The following NRDE2 variants were observed in gnomAD, a reference collection of about 807,000 sequenced individuals.
NRDE2 encodes the protein nuclear exosome regulator NRDE2.
In NRDE2, 76 loss-of-function variants were observed where a neutral mutation model predicts 124.2. The ratio of observed to expected loss-of-function variants is 0.61; its 90% CI spans 0.51 to 0.74. The LOEUF is 0.74. Among genes scored for constraint, NRDE2 ranks in the 30% least tolerant of loss-of-function variants. The probability of loss-of-function intolerance (pLI) is 0.00; values close to 1 mark genes in which losing one functional copy is unlikely to be tolerated. For synonymous variants in NRDE2, 489 were observed against 528.1 expected (o/e 0.93, Z 1.01); for missense variants, 1,314 against 1,417.3 (o/e 0.93, Z 1.17).
rs78302825 is a variant in NRDE2 at position 90,278,383 on chromosome 14, G to A, written c.3448C>T (p.Arg1150Trp). Residue 1150 changes from arginine to tryptophan, a missense_variant, in exon 14 of 14, where the codon CGG becomes TGG. Transcript: ENST00000354366. The stretch of plus-strand genomic sequence containing the variant: ...AGCTCCTCCAGCGGCAGGCGCACCC[G>A]GAGCTCCTTCTCAGTCATCAGGTCC... ...ILDLMTEKEL[R>W]VRLPLEELEL... 1.4e-5 allele frequency: 23 copies of A among 1,614,036 alleles called. No individual in the cohort carries two copies. The highest frequency in any genetic ancestry group is 8.0e-5 in the African/African-American group (6 of 75,036).
At chr14:90,318,201 C>T in intron 1 of NRDE2, 88 bp from the exon 2 acceptor site, 1 of 1,025,168 alleles carries the variant, frequency 9.8e-7, no homozygotes, top group South Asian at 1.5e-5. Flanking sequence ...AGCTGACATC[C>T]TAATTCACAG....
At position 90,316,716 on chromosome 14, in the gene NRDE2, CT is replaced by C. The variant is rs1249617548; in HGVS notation, c.268del (p.Arg90GlyfsTer69). 1.3e-5 allele frequency: 21 copies of C among 1,613,662 alleles called. No individual in the cohort carries two copies. The highest frequency in any genetic ancestry group is 1.7e-5 in the Admixed American group (1 of 59,968). ...RKKKKEKKKK[R>X]KHQHHKKTKR... ...TGTTTTCTTATGATGCTGATGCTTC[CT>C]TTTTTTCTTTTTCTCTTTCTTCTTT... On this transcript the variant is annotated frameshift_variant, in exon 3 of 14. Coordinates refer to ENST00000354366, the MANE Select transcript of NRDE2 (RefSeq NM_017970.4). LOFTEE classifies it high-confidence loss of function.
intron 13 of NRDE2, chr14:90,278,691 A>G: frequency 1.8e-6 from 1 of 555,812 alleles, no homozygotes; most frequent in Non-Finnish European, 3.2e-6. Flanking sequence ...CTCTTTTAAA[A>G]GGGGTCCAGG....
chr14:90,301,004 A>C (rs1884379344), intron 7 of NRDE2, among the ~76,000 whole-genome samples: 2 of 147,190 alleles, frequency 1.4e-5, no homozygotes, highest in South Asian at 4.4e-4. Context: ...AAGGAGGGGG[A>C]AGCTTCTTTA....
At chr14:90,289,361 A>C (rs1004115568) in intron 10 of NRDE2, among the ~76,000 whole-genome samples, 8 of 152,230 alleles carry the variant, frequency 5.3e-5, no homozygotes, top group Admixed American at 5.2e-4. Flanking sequence ...GTTCCAGCTG[A>C]AATCTCTATA....
chr14:90,290,029 C>T (rs1206211302), intron 10 of NRDE2, among the ~76,000 whole-genome samples, 192 bp downstream of exon 10: 2 of 152,194 alleles, frequency 1.3e-5, no homozygotes, highest in Non-Finnish European at 2.9e-5. Context: ...TAGCCTGACT[C>T]GTTCCTGCCT....
rs1891740973 is a variant in NRDE2 at position 90,274,215 on chromosome 14, GGGCAGGGTGAGGCT to G, written c.*4107_*4120del. On this transcript the variant is annotated 3_prime_UTR_variant, in exon 14 of 14. Coordinates refer to ENST00000354366, the MANE Select transcript of NRDE2 (RefSeq NM_017970.4). ...ACACCACAGCACGGGGACTCAGCAT[GGGCAGGGTGAGGCT>G]GGCATCCGTGTGGGGTGTATGTGCA... The G allele has an allele frequency of 6.4e-6, 1 of 155,276 alleles. No homozygotes were observed. Among genetic ancestry groups the G allele is most frequent in the Non-Finnish European group, 1.5e-5 (1 of 68,674 alleles). 9.6% of individuals were successfully genotyped at this position (155,276 alleles called of 1,614,324 possible).
At chr14:90,306,957 A>G (rs570392568) in intron 4 of NRDE2, among the ~76,000 whole-genome samples, 1 of 152,306 alleles carries the variant, frequency 6.6e-6, no homozygotes, top group Non-Finnish European at 1.5e-5. Context: ...AATATACAGT[A>G]TTTTAGATAT....
chr14:90,317,929 T>C, intron 2 of NRDE2, 76 bp downstream of exon 2: 3 of 1,025,062 alleles, frequency 2.9e-6, no homozygotes, highest in Non-Finnish European at 2.9e-6. Flanking sequence ...TAGAGTTTTC[T>C]AAGGAGCTTC....
At position 90,311,383 on chromosome 14, in the gene NRDE2, C is replaced by G. The variant is rs565325738; in HGVS notation, c.557+1011G>C. ...TGAATTGTAGTTCCCATAATCCCCACGTGTTGTGGGAGGGGCTTGGTGGGA... is the reference window on the plus strand; with the variant it reads ...TGAATTGTAGTTCCCATAATCCCCAGGTGTTGTGGGAGGGGCTTGGTGGGA... On this transcript the variant is annotated intron_variant, in intron 4 of 13. Coordinates refer to ENST00000354366, the MANE Select transcript of NRDE2 (RefSeq NM_017970.4). Among the ~76,000 whole-genome samples the G allele has an allele frequency of 2.6e-5, 4 of 152,216 alleles. No individual in the cohort carries two copies. The South Asian group carries it at 8.3e-4, about 32-fold the overall frequency.
chr14:90,279,242 C>T, intron 12 of NRDE2, 109 bp from the exon 13 acceptor site: 2 of 841,952 alleles, frequency 2.4e-6, no homozygotes, highest in South Asian at 1.5e-5. Flanking sequence ...AGTGAGCCCA[C>T]CTGTGCAGAG....
intron 1 of NRDE2, among the ~76,000 whole-genome samples, chr14:90,327,672 G>A (rs1885492557): frequency 6.6e-6 from 1 of 152,082 alleles, no homozygotes; most frequent in Admixed American, 6.5e-5. Flanking sequence ...AAGTTACTGG[G>A]ACCCCCAACT....
At position 90,316,671 on chromosome 14, in the gene NRDE2, G is replaced by A. The variant is rs371333350; in HGVS notation, c.314C>T (p.Ser105Leu). 56 of 1,613,938 alleles carry A rather than the reference G, an allele frequency of 3.5e-5. No homozygotes were observed. Among genetic ancestry groups the A allele is most frequent in the Non-Finnish European group, 4.2e-5 (50 of 1,179,992 alleles). The part of the protein sequence containing the change: ...HKKTKRKHGP[S>L]SSSRSETDTD... The stretch of plus-strand genomic sequence containing the variant: ...GTCTGTCTCAGACCTGCTGCTACTC[G>A]ACGGCCCATGCTTCCTCTTTGTTTT... Residue 105 changes from serine to leucine, a missense_variant, in exon 3 of 14, where the codon TCG (serine) becomes TTG (leucine). By Grantham distance (145) the Ser-to-Leu change is moderately radical. Transcript: ENST00000354366.
intron 12 of NRDE2, among the ~76,000 whole-genome samples, chr14:90,283,927 G>T (rs938971755): frequency 6.6e-6 from 1 of 152,030 alleles, no homozygotes; most frequent in East Asian, 1.9e-4. Context: ...TAGCCAAGAT[G>T]GTCTCAATCT....
chr14:90,270,128 G>A lies in NRDE2; in HGVS notation c.*8208C>T, dbSNP rs143781313. 1.6e-5 allele frequency: 24 copies of A among 1,543,526 alleles called. No individual in the cohort carries two copies. The East Asian group carries it at 5.0e-4, about 32-fold the overall frequency. On this transcript the variant is annotated 3_prime_UTR_variant, in exon 14 of 14. Transcript: ENST00000354366. ...AACTTCGTATGTAAGGAGATGGGCT[G>A]AGGCCTCTGAGCCATGGCCGAGCCT...
At chr14:90,298,865 A>C (rs1337625038) in intron 7 of NRDE2, among the ~76,000 whole-genome samples, 1 of 152,142 alleles carries the variant, frequency 6.6e-6, no homozygotes, top group Admixed American at 6.5e-5. Context: ...GCCGCTTTCA[A>C]GATATTTTGA....
At chr14:90,293,860 C>T (rs1349477769) in intron 8 of NRDE2, among the ~76,000 whole-genome samples, 1 of 152,144 alleles carries the variant, frequency 6.6e-6, no homozygotes, top group Non-Finnish European at 1.5e-5. Flanking sequence ...ATAAAGTATA[C>T]AAAATGGTAC....
At position 90,273,793 on chromosome 14, in the gene NRDE2, GCCAGTCTGTGAAGGCCA is replaced by G. The variant is rs1335729265; in HGVS notation, c.*4526_*4542del. The G allele has an allele frequency of 6.5e-6, 1 of 154,624 alleles. No individual in the cohort carries two copies. The highest frequency in any genetic ancestry group is 6.5e-5 in the Admixed American group (1 of 15,276). The allele number at this position is 154,624 out of a possible 1,614,324, so 9.6% of individuals were successfully genotyped here. A position where few individuals can be genotyped will look rare whatever the true frequency, so the allele number is the denominator to read the frequency against. The stretch of plus-strand genomic sequence containing the variant: ...TTGCTGGCTGCCAGCTGAGGCCTTT[GCCAGTCTGTGAAGGCCA>G]CCCTCCCTCCTGACTCGTGGCACTT... On this transcript the variant is annotated 3_prime_UTR_variant, in exon 14 of 14. Transcript: ENST00000354366.
At position 90,292,751 on chromosome 14, in the gene NRDE2, G is replaced by A. The variant is rs751826712; in HGVS notation, c.1788C>T (p.Arg596=). 1.2e-6 allele frequency: 2 copies of A among 1,614,190 alleles called. No homozygotes were observed. The highest frequency in any genetic ancestry group is 1.7e-6 in the Non-Finnish European group (2 of 1,180,022). ...SRDQRHWRPW[R]PDKTKKQTEE... ...CGGTTTGCTTCTTGGTCTTATCAGGGCGCCAGGGCCGCCAGTGCCTCTGGT... is the reference window on the plus strand; with the variant it reads ...CGGTTTGCTTCTTGGTCTTATCAGGACGCCAGGGCCGCCAGTGCCTCTGGT... Residue 596 remains arginine, a synonymous_variant, in exon 9 of 14, where the codon CGC becomes CGT. Transcript: ENST00000354366.
Sources: gnomAD v4.1 joint callset for allele counts (sites outside exome capture counted in the v4.1 genomes callset) on GRCh38, gnomAD v4.1.1 for gene constraint, MANE v1.5 for transcripts, NCBI Gene and HGNC (gene_info 2026-07-23, HGNC 2026-07-21) for gene names.